The following PDLIM1 variants were observed in gnomAD, a reference collection of about 807,000 sequenced individuals.
PDLIM1 encodes PDZ and LIM domain 1, also known as PDZ and LIM domain protein 1.
Under a neutral mutation model 35.2 loss-of-function variants are expected in PDLIM1, and 25 were observed. That is an observed-to-expected ratio of 0.71 (90% CI 0.52 to 0.99). The LOEUF is 0.99. Among genes scored for constraint, PDLIM1 ranks in the 50% least tolerant of loss-of-function variants. PDLIM1 has a pLI of 0.00. For missense variants in PDLIM1, 363 were observed against 415.3 expected (o/e 0.87, Z 1.09); for synonymous variants, 152 against 154.0 (o/e 0.99, Z 0.10).
Position 95,281,087 on chromosome 10 carries a change from C to T in PDLIM1, c.97-9303G>A, listed in dbSNP as rs988881324. Among the ~76,000 whole-genome samples the T allele has an allele frequency of 7.9e-5, 12 of 152,294 alleles. No individual in the cohort carries two copies. In the East Asian group the frequency reaches 1.2e-3, roughly 15 times the overall value. On this transcript the variant is annotated intron_variant, in intron 1 of 6. Transcript: ENST00000329399. ...CAAGAGAGATGATGACTATGACTAT[C>T]TTTTCCCCTTAAACTCTCTCCCTGA...
At chr10:95,274,293 C>CTTTTTT (rs11429361) in intron 1 of PDLIM1, among the ~76,000 whole-genome samples, 1 of 130,598 alleles carries the variant, frequency 7.7e-6, no homozygotes, top group African/African-American at 2.9e-5. Flanking sequence ...CACAGTCATC[C>CTTTTTT]TTTTTTTTTT....
chr10:95,244,799 C>G (rs1301565882), intron 5 of PDLIM1, among the ~76,000 whole-genome samples: 2 of 152,114 alleles, frequency 1.3e-5, no homozygotes, highest in Non-Finnish European at 2.9e-5. Context: ...ACTTGGGAGG[C>G]TGAGGCAGGA....
intron 4 of PDLIM1, among the ~76,000 whole-genome samples, chr10:95,259,284 A>G (rs1437301407): frequency 6.6e-6 from 1 of 152,216 alleles, no homozygotes; most frequent in Admixed American, 6.5e-5. Context: ...AATTTTAAGA[A>G]ATATTTTCCC....
At chr10:95,262,580 C>T (rs893160277) in intron 4 of PDLIM1, among the ~76,000 whole-genome samples, 1 of 152,190 alleles carries the variant, frequency 6.6e-6, no homozygotes, top group Non-Finnish European at 1.5e-5. Context: ...GGAATGCACG[C>T]TCCAGCTGCC....
chr10:95,254,695 T>C (rs988990504), intron 4 of PDLIM1, among the ~76,000 whole-genome samples: 1 of 152,138 alleles, frequency 6.6e-6, no homozygotes, highest in Non-Finnish European at 1.5e-5. Context: ...TGCAGGAGGA[T>C]TGCTTGAGCT....
At chr10:95,242,028 C>T (rs374291403) in intron 5 of PDLIM1, among the ~76,000 whole-genome samples, 5 of 152,204 alleles carry the variant, frequency 3.3e-5, no homozygotes, top group African/African-American at 4.8e-5. Context: ...TAGGCTTCCC[C>T]CCTCAGAGCT....
At chr10:95,248,852 C>A (rs1046284941) in intron 4 of PDLIM1, among the ~76,000 whole-genome samples, 1 of 152,150 alleles carries the variant, frequency 6.6e-6, no homozygotes, top group Non-Finnish European at 1.5e-5. Flanking sequence ...CCTGCAATGC[C>A]CTTCCCAGGT....
chr10:95,246,887 A>C (rs2035226306), intron 5 of PDLIM1, among the ~76,000 whole-genome samples: 1 of 152,174 alleles, frequency 6.6e-6, no homozygotes. Context: ...TCTGGGCTCA[A>C]AGCAAATAAA....
At chr10:95,271,601 A>C in intron 2 of PDLIM1, 32 bp downstream of exon 2, 4 of 1,567,578 alleles carry the variant, frequency 2.6e-6, no homozygotes, top group Middle Eastern at 4.5e-4. Flanking sequence ...CTAGTCAATC[A>C]GAAATGAACA....
chr10:95,265,989 A>G (rs34729632), intron 3 of PDLIM1, among the ~76,000 whole-genome samples: 13,372 of 152,104 alleles, frequency 0.088, 698 homozygotes, highest in Middle Eastern at 0.17. Context: ...ACCTGAGTTC[A>G]GGAATTCAAG....
chr10:95,249,850 A>G (rs2035252803), intron 4 of PDLIM1, among the ~76,000 whole-genome samples: 1 of 152,174 alleles, frequency 6.6e-6, no homozygotes, highest in Non-Finnish European at 1.5e-5. Flanking sequence ...ATGGCTACCA[A>G]AGAAGGTCAG....
intron 4 of PDLIM1, among the ~76,000 whole-genome samples, chr10:95,249,147 G>A (rs541880747): frequency 6.6e-6 from 1 of 152,342 alleles, no homozygotes; most frequent in Admixed American, 6.5e-5. Flanking sequence ...CAGGCAGCAG[G>A]CATCAGGCAA....
intron 1 of PDLIM1, among the ~76,000 whole-genome samples, chr10:95,273,869 C>T (rs1180140001): frequency 6.6e-6 from 1 of 152,214 alleles, no homozygotes; most frequent in African/African-American, 2.4e-5. Flanking sequence ...CATCTTCATA[C>T]ACACTTCACT....
chr10:95,290,920 C>T lies in PDLIM1; in HGVS notation c.-5G>A, dbSNP rs1193498790. 5.2e-6 allele frequency: 8 copies of T among 1,537,254 alleles called. No individual in the cohort carries two copies. The highest frequency in any genetic ancestry group is 1.4e-5 in the African/African-American group (1 of 70,270). The stretch of plus-strand genomic sequence containing the variant: ...GTCTATCTGCTGGGTGGTCATGGCG[C>T]GGCTGTGGCGGGCGACGACCCGCGG... On this transcript the variant is annotated 5_prime_UTR_variant, in exon 1 of 7. Transcript: ENST00000329399. This position sits in a 1 kb window ranked among gnomAD's most constrained non-coding sequence, Gnocchi z 4.7.
intron 4 of PDLIM1, among the ~76,000 whole-genome samples, chr10:95,247,932 A>G (rs1221638129): frequency 6.6e-6 from 1 of 152,266 alleles, no homozygotes; most frequent in African/African-American, 2.4e-5. Flanking sequence ...GTTTGGTGGT[A>G]AGGATGGGAC....
intron 4 of PDLIM1, among the ~76,000 whole-genome samples, chr10:95,249,969 C>A (rs1392110806): frequency 6.6e-6 from 1 of 152,166 alleles, no homozygotes; most frequent in Non-Finnish European, 1.5e-5. Flanking sequence ...CCTCTTCCCC[C>A]ACCTGCAGGG....
At chr10:95,260,754 A>T (rs1362269463) in intron 4 of PDLIM1, among the ~76,000 whole-genome samples, 5 of 152,244 alleles carry the variant, frequency 3.3e-5, no homozygotes. Flanking sequence ...GATGCAAAGT[A>T]TGTAGTGAGC....
intron 1 of PDLIM1, among the ~76,000 whole-genome samples, chr10:95,279,427 C>T (rs956788923): frequency 3.3e-5 from 5 of 152,184 alleles, no homozygotes; most frequent in Admixed American, 2.6e-4. Context: ...ATATAACTAC[C>T]TTCTTGACTC....
At chr10:95,248,530 G>A (rs2035241874) in intron 4 of PDLIM1, among the ~76,000 whole-genome samples, 1 of 152,232 alleles carries the variant, frequency 6.6e-6, no homozygotes, top group Non-Finnish European at 1.5e-5. Flanking sequence ...TTATAGGCAT[G>A]GGCCAGAGTG....
Sources: gnomAD v4.1 joint callset for allele counts (sites outside exome capture counted in the v4.1 genomes callset) on GRCh38, gnomAD v4.1.1 for gene constraint, Gnocchi (gnomAD v3.1) non-coding constraint, MANE v1.5 for transcripts, NCBI Gene and HGNC (gene_info 2026-07-23, HGNC 2026-07-21) for gene names.